ADCY2: variants seen among roughly 807,000 people sequenced by gnomAD.
ADCY2 encodes the protein adenylate cyclase 2.
A neutral mutation model predicts 125.2 loss-of-function variants in ADCY2; 31 were observed. That is an observed-to-expected ratio of 0.25 (90% CI 0.19 to 0.33). The LOEUF (loss-of-function observed/expected upper bound fraction) is 0.33. Ranked by LOEUF, ADCY2 falls within the 10% of genes least tolerant of loss-of-function variation. The pLI, the probability that ADCY2 is intolerant of heterozygous loss-of-function variation, is 1.00. For synonymous variants in ADCY2, 512 were observed against 548.4 expected, an observed-to-expected ratio of 0.93 and a Z score of 0.93; for missense variants, 904 against 1,418.2, an observed-to-expected ratio of 0.64 and a Z score of 5.82.
At chr5:7,515,143 C>A (rs905592392) in intron 2 of ADCY2, among the ~76,000 whole-genome samples, 2 of 152,206 alleles carry the variant, frequency 1.3e-5, no homozygotes, top group African/African-American at 4.8e-5. Context: ...ATGCCACTGC[C>A]TTTTAAAAAA....
rs377391818 is a variant in ADCY2 at position 7,475,036 on chromosome 5, G to A, written c.409-45702G>A. On this transcript the variant is annotated intron_variant, in intron 2 of 24. Transcript: ENST00000338316. ...CTTTGGCAGGAGGGTCGCTGGCCTG[G>A]GTGACCCAGCAGGGGGAGTCCTCCC... is the stretch of plus-strand genomic sequence containing the variant. 1.1e-4 allele frequency among the ~76,000 whole-genome samples: 17 copies of A among 152,266 alleles called. No homozygotes were observed. In the East Asian group the frequency reaches 1.4e-3, roughly 12 times the overall value.
At chr5:7,733,690 G>A (rs1344499158) in intron 14 of ADCY2, among the ~76,000 whole-genome samples, 1 of 152,164 alleles carries the variant, frequency 6.6e-6, no homozygotes, top group Non-Finnish European at 1.5e-5. Flanking sequence ...CCACACCTAT[G>A]TAGTATTTAA....
At chr5:7,763,860 G>A (rs1743307009) in intron 16 of ADCY2, among the ~76,000 whole-genome samples, 1 of 152,138 alleles carries the variant, frequency 6.6e-6, no homozygotes. Flanking sequence ...ACCTCAAAGG[G>A]GAGAGATGCA....
intron 4 of ADCY2, among the ~76,000 whole-genome samples, chr5:7,656,352 C>T (rs1266039215): frequency 6.6e-6 from 1 of 152,210 alleles, no homozygotes; most frequent in African/African-American, 2.4e-5. Flanking sequence ...CGGCACCCGG[C>T]CAACTGCTAG....
rs552174398 is a variant in ADCY2 at position 7,820,796 on chromosome 5, G to A, written c.3123+107G>A. 41 of 1,319,632 alleles carry A rather than the reference G, an allele frequency of 3.1e-5. No individual in the cohort carries two copies. The African/African-American group carries it at 5.4e-4, about 18-fold the overall frequency. The allele number at this position is 1,319,632 out of a possible 1,614,324, so 81.7% of individuals were successfully genotyped here. A position where few individuals can be genotyped will look rare whatever the true frequency, so the allele number is the denominator to read the frequency against. ...TAATATATTAAAACAAAGGAAAAAAGTAAACCTTGAAATTTACTTATCTTT... is the reference window on the plus strand; with the variant it reads ...TAATATATTAAAACAAAGGAAAAAAATAAACCTTGAAATTTACTTATCTTT... On this transcript the variant is annotated intron_variant, in intron 24 of 24. Coordinates refer to ENST00000338316, the MANE Select transcript of ADCY2 (RefSeq NM_020546.3).
At chr5:7,520,036 A>G (rs1309196164) in intron 2 of ADCY2, among the ~76,000 whole-genome samples, 6 of 152,238 alleles carry the variant, frequency 3.9e-5, no homozygotes, top group Non-Finnish European at 7.3e-5. Flanking sequence ...GATATACCAC[A>G]TATTGTTTAT....
chr5:7,437,647 A>G lies in ADCY2; in HGVS notation c.408+22877A>G, dbSNP rs185245418. On this transcript the variant is annotated intron_variant, in intron 2 of 24. Transcript: ENST00000338316. ...TACTCGGGAAATTTTAGTGATTGCAATGAGTCTTCCAGTGTCCCAGAGTAT... is the reference window on the plus strand; with the variant it reads ...TACTCGGGAAATTTTAGTGATTGCAGTGAGTCTTCCAGTGTCCCAGAGTAT... Among the ~76,000 whole-genome samples, 939 of 152,372 alleles carry G rather than the reference A, an allele frequency of 6.2e-3. 14 individuals are homozygous for G. The highest frequency in any genetic ancestry group is 6.2e-3 in the Non-Finnish European group (423 of 68,032).
intron 2 of ADCY2, among the ~76,000 whole-genome samples, chr5:7,452,629 C>T (rs1417712540): frequency 6.6e-6 from 1 of 152,188 alleles, no homozygotes; most frequent in Non-Finnish European, 1.5e-5. Flanking sequence ...AGTGAGATTG[C>T]TGGATCAAAT....
chr5:7,789,961 A>C (rs1241695207), intron 20 of ADCY2, among the ~76,000 whole-genome samples, 161 bp downstream of exon 20: 1 of 152,196 alleles, frequency 6.6e-6, no homozygotes, highest in Non-Finnish European at 1.5e-5. Context: ...TTTCAAGGAG[A>C]TATTGATTGG....
chr5:7,653,789 T>C (rs189984261), intron 4 of ADCY2, among the ~76,000 whole-genome samples: 55 of 152,326 alleles, frequency 3.6e-4, no homozygotes, highest in African/African-American at 1.2e-3. Context: ...CCTTCTGCAA[T>C]TGACACTTTT....
intron 2 of ADCY2, among the ~76,000 whole-genome samples, chr5:7,520,029 A>T (rs1051582515): frequency 6.6e-6 from 1 of 152,260 alleles, no homozygotes; most frequent in Non-Finnish European, 1.5e-5. Flanking sequence ...TTGTGTGGAT[A>T]TACCACATAT....
At chr5:7,489,082 C>G (rs1376359643) in intron 2 of ADCY2, among the ~76,000 whole-genome samples, 1 of 152,180 alleles carries the variant, frequency 6.6e-6, no homozygotes, top group Non-Finnish European at 1.5e-5. Context: ...TCCTGCCCTG[C>G]CCAGAGCACT....
intron 2 of ADCY2, among the ~76,000 whole-genome samples, chr5:7,415,282 T>C (rs1332972948): frequency 6.6e-6 from 1 of 152,228 alleles, no homozygotes; most frequent in East Asian, 1.9e-4. Flanking sequence ...ACAAAGGCTT[T>C]TGAAATAGCT....
intron 4 of ADCY2, among the ~76,000 whole-genome samples, chr5:7,640,727 A>C (rs975542924): frequency 6.6e-6 from 1 of 152,154 alleles, no homozygotes; most frequent in African/African-American, 2.4e-5. Context: ...GAGCAGGTCA[A>C]ATCAAGAATA....
chr5:7,414,487 C>T (rs755689218), intron 1 of ADCY2, 86 bp from the exon 2 acceptor site: 15 of 1,136,816 alleles, frequency 1.3e-5, no homozygotes, highest in Admixed American at 5.2e-5. Flanking sequence ...CATTGACAAG[C>T]GTTGATGACA....
intron 12 of ADCY2, among the ~76,000 whole-genome samples, chr5:7,719,032 A>G (rs1434300472): frequency 2.0e-5 from 3 of 152,214 alleles, no homozygotes; most frequent in Admixed American, 6.5e-5. Flanking sequence ...ACTAATTCCT[A>G]AAGTTAACCT....
At chr5:7,459,945 C>T (rs1039318253) in intron 2 of ADCY2, among the ~76,000 whole-genome samples, 7 of 151,452 alleles carry the variant, frequency 4.6e-5, no homozygotes, top group African/African-American at 1.7e-4. Flanking sequence ...TGCCACCACA[C>T]CCGGCTAATT....
intron 3 of ADCY2, among the ~76,000 whole-genome samples, chr5:7,614,812 T>C (rs1737695592): frequency 1.3e-5 from 2 of 152,186 alleles, no homozygotes; most frequent in Admixed American, 6.5e-5. Flanking sequence ...GCTTCCACCA[T>C]CTCCTGTTGG....
chr5:7,624,067 A>T (rs1263256677), intron 3 of ADCY2, among the ~76,000 whole-genome samples: 1 of 152,180 alleles, frequency 6.6e-6, no homozygotes. Context: ...ACAGCCTTGA[A>T]GGCCCCTTCT....
Sources: allele counts gnomAD v4.1 joint callset (sites outside exome capture counted in the v4.1 genomes callset), GRCh38; gene constraint gnomAD v4.1.1; transcripts MANE v1.5; gene names NCBI Gene and HGNC (gene_info 2026-07-23, HGNC 2026-07-21).